HFM1: variants seen among roughly 807,000 people sequenced by gnomAD.
HFM1 encodes the protein helicase for meiosis 1.
HFM1 carries 169 observed loss-of-function variants against 192.1 expected under a neutral mutation model. That is an observed-to-expected ratio of 0.88 (90% CI 0.78 to 1.00). The LOEUF (loss-of-function observed/expected upper bound fraction) is 1.00, where lower values mean the gene tolerates loss of function less well. HFM1 is among the 50% of genes least tolerant of loss of function. The pLI is 0.00. For missense variants in HFM1, 1,661 were observed against 1,668.0 expected (o/e 1.00, Z 0.07); for synonymous variants, 525 against 537.8 (o/e 0.98, Z 0.33).
intron 30 of HFM1, among the ~76,000 whole-genome samples, chr1:91,280,004 T>C (rs888360292): frequency 4.9e-3 from 2 of 408 alleles, no homozygotes; most frequent in Admixed American, 0.071. Context: ...AAAAATAAAA[T>C]GTAATTTAAG....
chr1:91,348,544 G>A lies in HFM1; in HGVS notation c.2207-1068C>T, dbSNP rs569106598. On this transcript the variant is annotated intron_variant, in intron 18 of 38. Coordinates refer to ENST00000370425, the MANE Select transcript of HFM1 (RefSeq NM_001017975.6). ...CATTGTTCGTAAGAGCAAACAATTA[G>A]ACAAAGTATAAATGTCCATCAATTG... 3.3e-5 allele frequency among the ~76,000 whole-genome samples: 5 copies of A among 152,228 alleles called. No homozygotes were observed. The South Asian group carries it at 1.0e-3, about 32-fold the overall frequency.
intron 30 of HFM1, among the ~76,000 whole-genome samples, chr1:91,282,340 T>C (rs879221128): frequency 6.6e-6 from 1 of 152,160 alleles, no homozygotes; most frequent in Admixed American, 6.5e-5. Context: ...TATTTTAAAA[T>C]GGCATCCTAT....
chr1:91,376,661 A>G (rs1429771699), intron 11 of HFM1, among the ~76,000 whole-genome samples: 2 of 151,950 alleles, frequency 1.3e-5, no homozygotes, highest in East Asian at 3.8e-4. Context: ...TAGTTGATAA[A>G]TATATTTAAA....
At chr1:91,324,944 C>T (rs1175094576) in intron 20 of HFM1, among the ~76,000 whole-genome samples, 178 bp from the exon 21 acceptor site, 3 of 152,184 alleles carry the variant, frequency 2.0e-5, no homozygotes. Context: ...CACAAAAGCA[C>T]TCTAATTGCT....
At chr1:91,287,334 C>T (rs1195094437) in intron 30 of HFM1, among the ~76,000 whole-genome samples, 1 of 152,204 alleles carries the variant, frequency 6.6e-6, no homozygotes, top group African/African-American at 2.4e-5. Context: ...AGACTGCCTC[C>T]TCAAGTGAGT....
chr1:91,377,904 C>T (rs1661087691), intron 11 of HFM1, 121 bp downstream of exon 11: 1 of 891,332 alleles, frequency 1.1e-6, no homozygotes, highest in Non-Finnish European at 1.8e-6. Context: ...CCACAACTTT[C>T]TACAACATAC....
intron 13 of HFM1, among the ~76,000 whole-genome samples, chr1:91,355,071 G>A (rs75546105): frequency 0.071 from 10,749 of 152,076 alleles, 507 homozygotes; most frequent in East Asian, 0.16. Context: ...GATGTAAACT[G>A]TGTCAACAAA....
At position 91,319,429 on chromosome 1, in the gene HFM1, GT is replaced by G. The variant is rs547487582; in HGVS notation, c.2583-40del. ...AAAAAATTGTTACTCCCTTTTAAGG[GT>G]TATCTATCTCCCAGTATTTGATATC... On this transcript the variant is annotated intron_variant, in intron 23 of 38. Coordinates refer to ENST00000370425, the MANE Select transcript of HFM1 (RefSeq NM_001017975.6). 997 of 1,254,726 alleles carry G rather than the reference GT, an allele frequency of 7.9e-4. 3 individuals carry two copies. In the African/African-American group the frequency reaches 1.0e-2, roughly 13 times the overall value. The allele number at this position is 1,254,726 out of a possible 1,614,324, so 77.7% of individuals were successfully genotyped here. A position where few individuals can be genotyped will look rare whatever the true frequency, so the allele number is the denominator to read the frequency against.
chr1:91,362,743 A>T (rs959929652), intron 13 of HFM1, among the ~76,000 whole-genome samples: 1 of 152,142 alleles, frequency 6.6e-6, no homozygotes, highest in African/African-American at 2.4e-5. Context: ...TAAGCAAAAG[A>T]ACAAAGCTGG....
chr1:91,288,928 C>T (rs150867519), intron 30 of HFM1, among the ~76,000 whole-genome samples: 14,416 of 151,776 alleles, frequency 0.095, 655 homozygotes, highest in East Asian at 0.16. Context: ...GGCAGAGGGG[C>T]TCCTCACTTC....
chr1:91,262,102 G>C (rs1665216389), intron 38 of HFM1, 139 bp downstream of exon 38: 2 of 459,862 alleles, frequency 4.3e-6, no homozygotes, highest in Admixed American at 4.0e-5. Flanking sequence ...GCTCACTGAG[G>C]TTTGAAAATT....
intron 30 of HFM1, among the ~76,000 whole-genome samples, chr1:91,299,026 G>A (rs1557807864): frequency 6.6e-6 from 1 of 152,138 alleles, no homozygotes; most frequent in Non-Finnish European, 1.5e-5. Flanking sequence ...CCATCAGTGT[G>A]CTGTATTCAG....
intron 21 of HFM1, among the ~76,000 whole-genome samples, chr1:91,324,030 A>T (rs1345692713): frequency 6.6e-6 from 1 of 152,222 alleles, no homozygotes; most frequent in Non-Finnish European, 1.5e-5. Context: ...TTTCATATTC[A>T]TGTCCTGAGT....
chr1:91,348,848 C>T (rs1656518701), intron 18 of HFM1, among the ~76,000 whole-genome samples: 2 of 151,840 alleles, frequency 1.3e-5, no homozygotes, highest in African/African-American at 4.8e-5. Context: ...CACTTGAGCC[C>T]AGAAGGTTGA....
intron 13 of HFM1, among the ~76,000 whole-genome samples, chr1:91,373,120 A>T (rs888082233): frequency 1.4e-5 from 2 of 145,302 alleles, no homozygotes; most frequent in African/African-American, 5.1e-5. Context: ...TTAATAGACT[A>T]TCTTTATAGT....
chr1:91,320,992 G>A (rs969969120), intron 23 of HFM1, among the ~76,000 whole-genome samples: 2 of 152,154 alleles, frequency 1.3e-5, no homozygotes, highest in South Asian at 4.1e-4. Flanking sequence ...TGTGTAAAAG[G>A]GGAATCCAGA....
chr1:91,394,008 A>C (rs182632138), intron 4 of HFM1, 85 bp downstream of exon 4: 17 of 752,816 alleles, frequency 2.3e-5, no homozygotes, highest in Non-Finnish European at 2.0e-6. Context: ...TTTCTCATTC[A>C]CATTGTACCA....
At chr1:91,378,787 A>G (rs2101995250) in intron 9 of HFM1, among the ~76,000 whole-genome samples, 1 of 152,136 alleles carries the variant, frequency 6.6e-6, no homozygotes, top group Admixed American at 6.6e-5. Context: ...CATACTACTT[A>G]GGTAAAAGAA....
chr1:91,344,723 T>C (rs1427371352), intron 19 of HFM1, among the ~76,000 whole-genome samples: 1 of 148,886 alleles, frequency 6.7e-6, no homozygotes, highest in Non-Finnish European at 1.5e-5. Flanking sequence ...TCTTTTTCTT[T>C]CTTTTTATTT....
Sources: gnomAD v4.1 joint callset for allele counts (sites outside exome capture counted in the v4.1 genomes callset) on GRCh38, gnomAD v4.1.1 for gene constraint, MANE v1.5 for transcripts, NCBI Gene and HGNC (gene_info 2026-07-23, HGNC 2026-07-21) for gene names.